Variants in BDH2 observed in about 807,000 individuals in gnomAD.
The protein encoded by BDH2 is dehydrogenase/reductase SDR family member 6.
BDH2 carries 24 observed loss-of-function variants against 33.2 expected under a neutral mutation model. That is an observed-to-expected ratio of 0.72 (90% CI 0.52 to 1.02). The LOEUF is 1.02. Among genes scored for constraint, BDH2 ranks in the 50% least tolerant of loss-of-function variants. The pLI is 0.00. For synonymous variants in BDH2, 81 were observed against 101.6 expected (o/e 0.80, Z 1.22); for missense variants, 249 against 301.6 (o/e 0.83, Z 1.29).
At position 103,078,495 on chromosome 4, in the gene BDH2, G is replaced by T. The variant is rs1747345532; in HGVS notation, c.*1207C>A. On this transcript the variant is annotated 3_prime_UTR_variant, in exon 10 of 10. Coordinates refer to ENST00000296424, the MANE Select transcript of BDH2 (RefSeq NM_020139.4). ...AAATATCATTGCTTATTTTAATAAA[G>T]ATTGTTTAGTTAGACTAAGAAAATA... 1.3e-5 allele frequency among the ~76,000 whole-genome samples: 2 copies of T among 152,160 alleles called. No individual in the cohort carries two copies. The highest frequency in any genetic ancestry group is 2.1e-4 in the South Asian group (1 of 4,832).
chr4:103,095,193 A>G lies in BDH2; in HGVS notation c.151+10T>C. ...ACTGAATCCCAAATTCAAGCTGCTG[A>G]GTTGCTTACCCGGGTACTTTTCCAG... On this transcript the variant is annotated intron_variant, in intron 3 of 9. Transcript: ENST00000296424. 6.2e-7 allele frequency: 1 copy of G among 1,611,414 alleles called. No individual in the cohort carries two copies. Among genetic ancestry groups the G allele is most frequent in the Non-Finnish European group, 8.5e-7 (1 of 1,177,760 alleles).
At chr4:103,086,102 G>T (rs2110700811) in intron 6 of BDH2, 1 of 1,096,292 alleles carries the variant, frequency 9.1e-7, no homozygotes, top group African/African-American at 1.7e-5. Flanking sequence ...TGGAGAAGAT[G>T]ATGTTTGCTG....
intron 9 of BDH2, among the ~76,000 whole-genome samples, chr4:103,081,365 C>G (rs986150531): frequency 3.9e-5 from 6 of 151,992 alleles, no homozygotes; most frequent in Non-Finnish European, 7.4e-5. Flanking sequence ...TGGCGCAATC[C>G]CGGCTCACTG....
At chr4:103,097,231 T>C (rs960844810) in intron 1 of BDH2, among the ~76,000 whole-genome samples, 3 of 152,208 alleles carry the variant, frequency 2.0e-5, no homozygotes, top group Admixed American at 2.0e-4. Context: ...TTCCAGACTC[T>C]TGCTATGTGA....
chr4:103,081,222 CTG>C (rs982281727), intron 9 of BDH2, among the ~76,000 whole-genome samples: 6 of 152,210 alleles, frequency 3.9e-5, no homozygotes, highest in Non-Finnish European at 8.8e-5. Flanking sequence ...AAGGAAAAAA[CTG>C]TTAAACAGAT....
At position 103,096,247 on chromosome 4, in the gene BDH2, C is replaced by T. The variant is rs769596421; in HGVS notation, c.8G>A (p.Arg3Gln). MG[R>Q]LDGKVIILTA... Reference sequence around the variant, plus strand: ...CAGGATGATGACTTTCCCATCAAGTCGACCCATAATGGAACCTGTGGTTTA... The same window carrying T: ...CAGGATGATGACTTTCCCATCAAGTTGACCCATAATGGAACCTGTGGTTTA... The change falls in exon 2 of 10, where the codon CGA becomes CAA. Residue 3 changes from arginine (R) to glutamine (Q), a missense_variant. By Grantham distance (43) the Arg-to-Gln change is conservative. Coordinates refer to ENST00000296424, the MANE Select transcript of BDH2 (RefSeq NM_020139.4). The T allele has an allele frequency of 5.6e-5, 91 of 1,613,494 alleles. No individual in the cohort carries two copies. Among genetic ancestry groups the T allele is most frequent in the Non-Finnish European group, 7.0e-5 (82 of 1,179,652 alleles).
At position 103,096,273 on chromosome 4, in the gene BDH2, A is replaced by C. The variant is rs1305080031; in HGVS notation, c.-19T>G. On this transcript the variant is annotated splice_region_variant and 5_prime_UTR_variant, in exon 2 of 10. Coordinates refer to ENST00000296424, the MANE Select transcript of BDH2 (RefSeq NM_020139.4). ...GACCCATAATGGAACCTGTGGTTTA[A>C]TCTAAAGACATGTGTGTTTAATGGG... 2 of 1,602,744 alleles carry C rather than the reference A, an allele frequency of 1.2e-6. No individual in the cohort carries two copies. Among genetic ancestry groups the C allele is most frequent in the Admixed American group, 3.3e-5 (2 of 59,950 alleles).
rs1015956897 is a variant in BDH2, at chr4:103,086,636, A to C, written c.358-96T>G. 3.5e-6 allele frequency: 5 copies of C among 1,436,826 alleles called. No homozygotes were observed. In the African/African-American group the frequency reaches 4.3e-5, roughly 12 times the overall value. The allele number at this position is 1,436,826 out of a possible 1,614,324, so 89.0% of individuals were successfully genotyped here. On this transcript the variant is annotated intron_variant, in intron 5 of 9. Coordinates refer to ENST00000296424, the MANE Select transcript of BDH2 (RefSeq NM_020139.4). ...ATTTGCATTTTCTTAGGGTTTGCAG[A>C]ATGAATTTAATTACTGTATTAGCTA...
At chr4:103,091,141 TG>T in intron 5 of BDH2, 35 bp downstream of exon 5, 1 of 1,352,346 alleles carries the variant, frequency 7.4e-7, no homozygotes, top group Non-Finnish European at 1.1e-6. Flanking sequence ...AGACCTAATG[TG>T]GTGCTTATCC....
intron 9 of BDH2, among the ~76,000 whole-genome samples, chr4:103,081,539 G>A (rs1005999967): frequency 1.3e-5 from 2 of 152,078 alleles, no homozygotes; most frequent in African/African-American, 2.4e-5. Flanking sequence ...CAGGTGATCC[G>A]CCTGCCTCGA....
At chr4:103,091,039 C>T in intron 5 of BDH2, 138 bp downstream of exon 5, 1 of 560,470 alleles carries the variant, frequency 1.8e-6, no homozygotes, top group South Asian at 2.6e-5. Context: ...TGTGAAATGC[C>T]TTGATATAAA....
In BDH2 at chr4:103,081,069, C is replaced by G. The variant is rs931988026; in HGVS notation, c.684+1012G>C. ...CCTCGCTCCCGCCTAGTCCCCTTTC[C>G]TTCCCTCTTCTCACACATTACAGTT... On this transcript the variant is annotated intron_variant, in intron 9 of 9. Transcript: ENST00000296424. Among the ~76,000 whole-genome samples the G allele has an allele frequency of 4.6e-5, 7 of 152,188 alleles. No individual in the cohort carries two copies. In the South Asian group the frequency reaches 1.2e-3, roughly 27 times the overall value.
At chr4:103,095,426 T>A (rs1472776401) in intron 2 of BDH2, 145 bp from the exon 3 acceptor site, 1 of 584,180 alleles carries the variant, frequency 1.7e-6, no homozygotes, top group African/African-American at 1.9e-5. Context: ...AACTATCTAG[T>A]CTTACCCCTT....
At chr4:103,084,457 A>G (rs1747673681) in intron 7 of BDH2, among the ~76,000 whole-genome samples, 2 of 152,236 alleles carry the variant, frequency 1.3e-5, no homozygotes. Context: ...ACTGAGTCAC[A>G]GCTAGTTCCT....
At chr4:103,087,921 T>C (rs558447377) in intron 5 of BDH2, among the ~76,000 whole-genome samples, 1 of 152,318 alleles carries the variant, frequency 6.6e-6, no homozygotes, top group Non-Finnish European at 1.5e-5. Flanking sequence ...AATAATTGAA[T>C]GGATCCAGGA....
chr4:103,087,622 T>A (rs954317754), intron 5 of BDH2, among the ~76,000 whole-genome samples: 6 of 152,202 alleles, frequency 3.9e-5, no homozygotes, highest in African/African-American at 1.4e-4. Context: ...TTGGCTGTTT[T>A]GTCCTCCTAG....
rs1474311842 is a variant in BDH2, at chr4:103,088,259, A to G, written c.358-1719T>C. 4.6e-5 allele frequency among the ~76,000 whole-genome samples: 7 copies of G among 152,262 alleles called. No individual in the cohort carries two copies. In the East Asian group the frequency reaches 1.3e-3, roughly 29 times the overall value. On this transcript the variant is annotated intron_variant, in intron 5 of 9. Coordinates refer to ENST00000296424, the MANE Select transcript of BDH2 (RefSeq NM_020139.4). The stretch of plus-strand genomic sequence containing the variant: ...AAAATTGTTCTTTCTTATCCAATTT[A>G]GCAAATAGCATTCCCCATTTAAAAT...
rs1747396696 is a variant in BDH2, at chr4:103,079,252, A to G, written c.*450T>C. 6.6e-6 allele frequency among the ~76,000 whole-genome samples: 1 copy of G among 152,098 alleles called. No homozygotes were observed. Among genetic ancestry groups the G allele is most frequent in the South Asian group, 2.1e-4 (1 of 4,828 alleles). ...CTCGCTTTTTTTCTCTGCTCTTGCT[A>G]TGTGAGGATACAGCAAGAAGAGGAC... On this transcript the variant is annotated 3_prime_UTR_variant, in exon 10 of 10. Coordinates refer to ENST00000296424, the MANE Select transcript of BDH2 (RefSeq NM_020139.4).
intron 5 of BDH2, among the ~76,000 whole-genome samples, chr4:103,087,621 T>C (rs1747858640): frequency 6.6e-6 from 1 of 152,210 alleles, no homozygotes; most frequent in South Asian, 2.1e-4. Flanking sequence ...TTTGGCTGTT[T>C]TGTCCTCCTA....
Sources: allele counts gnomAD v4.1 joint callset (sites outside exome capture counted in the v4.1 genomes callset), GRCh38; gene constraint gnomAD v4.1.1; transcripts MANE v1.5; gene names NCBI Gene and HGNC (gene_info 2026-07-23, HGNC 2026-07-21).